Variants in PCDH15 observed in about 807,000 individuals in gnomAD.
PCDH15 encodes protocadherin related 15.
PCDH15 carries 129 observed loss-of-function variants against 178.5 expected under a neutral mutation model. The observed-to-expected ratio is 0.72, with a 90% CI of 0.63 to 0.84. PCDH15 has a LOEUF of 0.84. PCDH15 is among the 40% of genes least tolerant of loss of function. PCDH15 has a pLI of 0.00. For synonymous variants in PCDH15, 800 were observed against 732.0 expected, an observed-to-expected ratio of 1.09 and a Z score of -1.50; for missense variants, 2,230 against 2,099.9, an observed-to-expected ratio of 1.06 and a Z score of -1.21.
chr10:55,568,172 G>A lies in PCDH15; in HGVS notation c.-156+59453C>T, dbSNP rs371360882. Among the ~76,000 whole-genome samples, 8 of 152,084 alleles carry A rather than the reference G, an allele frequency of 5.3e-5. No individual in the cohort carries two copies. The South Asian group carries it at 6.2e-4, about 12-fold the overall frequency. On this transcript the variant is annotated intron_variant, in intron 2 of 5. Transcript: ENST00000613346. ...GAAGCAACTCAAGAGTCTATCAAGA[G>A]TAGAACGGATAAGCAAAATGTGGTT... is the stretch of plus-strand genomic sequence containing the variant.
intron 2 of PCDH15, among the ~76,000 whole-genome samples, chr10:55,084,623 C>G: frequency 6.6e-6 from 1 of 151,814 alleles, no homozygotes; most frequent in Non-Finnish European, 1.5e-5. Flanking sequence ...TAAACATAAG[C>G]AAAATGAAGA....
intron 2 of PCDH15, among the ~76,000 whole-genome samples, chr10:55,379,632 C>T (rs1837485093): frequency 6.6e-6 from 1 of 151,900 alleles, no homozygotes; most frequent in Non-Finnish European, 1.5e-5. Context: ...GCTGTAAATA[C>T]TTATTTACAA....
At chr10:53,976,898 C>A (rs1054995208) in intron 21 of PCDH15, among the ~76,000 whole-genome samples, 7 of 151,410 alleles carry the variant, frequency 4.6e-5, no homozygotes, top group African/African-American at 1.7e-4. Context: ...CATCGGGCCT[C>A]CCAGAGAGTA....
intron 34 of PCDH15, 120 bp from the exon 35 acceptor site, chr10:53,816,397 T>G: frequency 2.5e-6 from 1 of 394,308 alleles, no homozygotes; most frequent in East Asian, 3.6e-5. Context: ...CTTGGGATTA[T>G]TCATTATTCA....
At chr10:54,888,796 T>C (rs1334768192) in intron 3 of PCDH15, among the ~76,000 whole-genome samples, 5 of 151,434 alleles carry the variant, frequency 3.3e-5, no homozygotes, top group East Asian at 3.9e-4. Flanking sequence ...TTTCTTTTTT[T>C]TTTTTTTAAG....
chr10:54,714,751 A>C (rs768352063), intron 1 of PCDH15, among the ~76,000 whole-genome samples: 7 of 152,154 alleles, frequency 4.6e-5, no homozygotes, highest in Non-Finnish European at 7.4e-5. Flanking sequence ...TATATTTTCA[A>C]ACTTCACAGG....
At chr10:53,851,995 A>G (rs2078412132) in intron 28 of PCDH15, among the ~76,000 whole-genome samples, 1 of 151,820 alleles carries the variant, frequency 6.6e-6, no homozygotes, top group African/African-American at 2.4e-5. Context: ...CAACTCTGAG[A>G]AATAAGTTGT....
At chr10:55,015,549 G>C (rs1840153052) in intron 2 of PCDH15, among the ~76,000 whole-genome samples, 1 of 152,166 alleles carries the variant, frequency 6.6e-6, no homozygotes, top group Non-Finnish European at 1.5e-5. Flanking sequence ...CTGGGTCCTT[G>C]GCAAGATTAT....
At chr10:54,657,886 G>T (rs957180041) in intron 2 of PCDH15, among the ~76,000 whole-genome samples, 3 of 151,992 alleles carry the variant, frequency 2.0e-5, no homozygotes, top group African/African-American at 7.3e-5. Context: ...GACAGATAAA[G>T]AATTCAAAAT....
intron 2 of PCDH15, among the ~76,000 whole-genome samples, chr10:55,376,457 T>A (rs1263636094): frequency 6.6e-6 from 1 of 152,116 alleles, no homozygotes; most frequent in Non-Finnish European, 1.5e-5. Context: ...TGTCCTTGAT[T>A]TTTAAAGCAA....
chr10:55,603,412 G>T (rs1301456265), intron 2 of PCDH15, among the ~76,000 whole-genome samples: 1 of 151,312 alleles, frequency 6.6e-6, no homozygotes, highest in Non-Finnish European at 1.5e-5. Context: ...AGATACTCCT[G>T]GAGAAGAGCA....
intron 1 of PCDH15, among the ~76,000 whole-genome samples, chr10:55,261,634 C>T (rs1014163521): frequency 2.6e-5 from 4 of 151,904 alleles, no homozygotes; most frequent in African/African-American, 9.7e-5. Context: ...CAAGAATAAC[C>T]CATTTTGATC....
At chr10:54,174,518 G>A (rs1243689487) in intron 13 of PCDH15, among the ~76,000 whole-genome samples, 6 of 151,212 alleles carry the variant, frequency 4.0e-5, no homozygotes, top group South Asian at 4.2e-4. Context: ...CTGGGCGACA[G>A]AGCAAAAAAA....
intron 1 of PCDH15, among the ~76,000 whole-genome samples, chr10:54,701,569 G>T (rs2132239610): frequency 6.6e-6 from 1 of 152,072 alleles, no homozygotes; most frequent in African/African-American, 2.4e-5. Context: ...TATTTCACAA[G>T]CAATGACACA....
intron 6 of PCDH15, among the ~76,000 whole-genome samples, chr10:54,339,164 A>T (rs1365080234): frequency 6.6e-6 from 1 of 152,178 alleles, no homozygotes; most frequent in Admixed American, 6.5e-5. Context: ...AATGTCCTTA[A>T]AACATTATAA....
chr10:55,453,503 T>C (rs1417074021), intron 2 of PCDH15, among the ~76,000 whole-genome samples: 1 of 152,150 alleles, frequency 6.6e-6, no homozygotes, highest in Non-Finnish European at 1.5e-5. Flanking sequence ...TCTCCAGCCT[T>C]GTTCATTTTC....
At chr10:54,817,007 T>C (rs1339147599) in intron 3 of PCDH15, among the ~76,000 whole-genome samples, 1 of 152,066 alleles carries the variant, frequency 6.6e-6, no homozygotes, top group African/African-American at 2.4e-5. Context: ...GGATGTTCTG[T>C]ATTTAATTGA....
intron 2 of PCDH15, among the ~76,000 whole-genome samples, chr10:54,932,828 C>T (rs917204758): frequency 2.6e-5 from 4 of 152,032 alleles, no homozygotes; most frequent in Admixed American, 6.6e-5. Flanking sequence ...TGAGCCACTG[C>T]GTCCAGCCCA....
intron 21 of PCDH15, among the ~76,000 whole-genome samples, chr10:53,985,044 A>T (rs572582576): frequency 7.2e-4 from 109 of 152,264 alleles, no homozygotes; most frequent in Middle Eastern, 3.4e-3. Context: ...GCAGAAGGAG[A>T]TATGTGGAAC....
Sources: allele counts gnomAD v4.1 joint callset (sites outside exome capture counted in the v4.1 genomes callset), GRCh38; gene constraint gnomAD v4.1.1; transcripts MANE v1.5; gene names NCBI Gene and HGNC (gene_info 2026-07-23, HGNC 2026-07-21).